SKP2: variants seen among roughly 807,000 people sequenced by gnomAD.
The protein encoded by SKP2 is S-phase kinase associated protein 2, also known as S-phase kinase-associated protein 2.
SKP2 carries 16 observed loss-of-function variants against 51.8 expected under a neutral mutation model. The observed-to-expected ratio is 0.31, with a 90% CI of 0.21 to 0.47. The LOEUF (loss-of-function observed/expected upper bound fraction) is 0.47. Ranked by LOEUF, SKP2 falls within the 20% of genes least tolerant of loss-of-function variation. The probability of loss-of-function intolerance (pLI) is 1.00; values close to 1 mark genes in which losing one functional copy is unlikely to be tolerated. For synonymous variants in SKP2, 176 were observed against 198.6 expected, an observed-to-expected ratio of 0.89 and a Z score of 0.96; for missense variants, 377 against 505.3, an observed-to-expected ratio of 0.75 and a Z score of 2.43.
chr5:36,174,468 A>ATGAT (rs1745568623), intron 7 of SKP2, among the ~76,000 whole-genome samples: 2 of 152,212 alleles, frequency 1.3e-5, no homozygotes, highest in Admixed American at 6.5e-5. Flanking sequence ...GGCTGGCTAG[A>ATGAT]TGATTGGTCC....
At chr5:36,161,118 C>G (rs183228472) in intron 2 of SKP2, among the ~76,000 whole-genome samples, 2 of 151,976 alleles carry the variant, frequency 1.3e-5, no homozygotes, top group Non-Finnish European at 2.9e-5. Context: ...ATTGAAGTTT[C>G]CTGTTTGTCT....
intron 9 of SKP2, among the ~76,000 whole-genome samples, chr5:36,179,750 C>T (rs998070415): frequency 6.6e-6 from 1 of 152,192 alleles, no homozygotes; most frequent in Admixed American, 6.5e-5. Flanking sequence ...ATACATAAGA[C>T]ATTGGTGTGA....
At chr5:36,167,934 C>A (rs932486827) in intron 4 of SKP2, among the ~76,000 whole-genome samples, 2 of 151,728 alleles carry the variant, frequency 1.3e-5, no homozygotes, top group Non-Finnish European at 2.9e-5. Flanking sequence ...CCCTTTAAAA[C>A]TTTCTCTTCC....
At chr5:36,181,177 A>G (rs886266672) in intron 9 of SKP2, among the ~76,000 whole-genome samples, 1 of 152,202 alleles carries the variant, frequency 6.6e-6, no homozygotes, top group Admixed American at 6.5e-5. Context: ...GGGAGGTAAG[A>G]TGGCTATTAC....
chr5:36,155,172 A>G (rs1407726462), intron 2 of SKP2: 1 of 152,114 alleles, frequency 6.6e-6, no homozygotes, highest in African/African-American at 2.4e-5. Flanking sequence ...GAAGATTAGC[A>G]TGGCCCCTGC....
chr5:36,182,601 A>G lies in SKP2; in HGVS notation c.*570A>G, dbSNP rs1160871249. On this transcript the variant is annotated 3_prime_UTR_variant, in exon 10 of 10. Coordinates refer to ENST00000274255, the MANE Select transcript of SKP2 (RefSeq NM_005983.4). ...GAAATTAGGTTAATAGAAATAAGTA[A>G]CCCCATGTAATTCACCTTAAAACTT... The G allele has an allele frequency of 1.0e-6, 1 of 982,336 alleles. No homozygotes were observed. The highest frequency in any genetic ancestry group is 1.2e-6 in the Non-Finnish European group (1 of 827,242). 60.9% of individuals were successfully genotyped at this position (982,336 alleles called of 1,614,324 possible).
At chr5:36,189,305 T>G (rs1033174525), downstream of SKP2, among the ~76,000 whole-genome samples, 1 of 152,158 alleles carries the variant, frequency 6.6e-6, no homozygotes, top group African/African-American at 2.4e-5. Context: ...GTGCTCTGAT[T>G]TTTAGAATTT....
chr5:36,167,318 T>C (rs148418315), intron 4 of SKP2, among the ~76,000 whole-genome samples: 1 of 152,280 alleles, frequency 6.6e-6, no homozygotes, highest in East Asian at 1.9e-4. Flanking sequence ...GGACCGCCTC[T>C]CCCACTGCTT....
chr5:36,182,580 T>C lies in SKP2; in HGVS notation c.*549T>C. 1 of 983,716 alleles carries C rather than the reference T, an allele frequency of 1.0e-6. No homozygotes were observed. Among genetic ancestry groups the C allele is most frequent in the Non-Finnish European group, 1.2e-6 (1 of 828,342 alleles). 60.9% of individuals were successfully genotyped at this position (983,716 alleles called of 1,614,324 possible). A position where few individuals can be genotyped will look rare whatever the true frequency, so the allele number is the denominator to read the frequency against. On this transcript the variant is annotated 3_prime_UTR_variant, in exon 10 of 10. Transcript: ENST00000274255. ...TTGAATTTTGCCTTTAGATTTGAAA[T>C]TAGGTTAATAGAAATAAGTAACCCC...
At chr5:36,181,737 T>C in intron 9 of SKP2, 81 bp from the exon 10 acceptor site, 1 of 1,467,314 alleles carries the variant, frequency 6.8e-7, no homozygotes, top group Non-Finnish European at 9.3e-7. Flanking sequence ...TGACACAAAT[T>C]GTAAAATTTG....
intron 7 of SKP2, among the ~76,000 whole-genome samples, chr5:36,173,608 G>A (rs545763506): frequency 3.4e-4 from 51 of 152,230 alleles, no homozygotes; most frequent in African/African-American, 1.2e-3. Flanking sequence ...TGTTGGTTTT[G>A]TCCAAATTTG....
chr5:36,180,034 C>G (rs1745754359), intron 9 of SKP2: 1 of 151,618 alleles, frequency 6.6e-6, no homozygotes, highest in Admixed American at 6.6e-5. Flanking sequence ...CGGGTGTGTT[C>G]TGAGAGTCTG....
At chr5:36,188,384 T>C (rs994457629), downstream of SKP2, among the ~76,000 whole-genome samples, 2 of 152,250 alleles carry the variant, frequency 1.3e-5, no homozygotes, top group South Asian at 2.1e-4. Context: ...TTCCTTTCCA[T>C]GTTTAGTGCT....
At chr5:36,192,571 T>TA (rs1364064633) in intron 6 of SKP2, 3 of 152,132 alleles carry the variant, frequency 2.0e-5, no homozygotes, top group African/African-American at 7.2e-5. Context: ...TTCTGCTTAT[T>TA]AAAAAGTGAA....
intron 4 of SKP2, among the ~76,000 whole-genome samples, chr5:36,167,524 A>C (rs1190822692): frequency 6.6e-6 from 1 of 152,132 alleles, no homozygotes; most frequent in African/African-American, 2.4e-5. Context: ...CCTCCCTTTC[A>C]AATTCCCAAA....
downstream of SKP2, among the ~76,000 whole-genome samples, chr5:36,185,353 G>A (rs893674719): frequency 6.6e-6 from 1 of 152,166 alleles, no homozygotes; most frequent in Non-Finnish European, 1.5e-5. Flanking sequence ...GTCCTGAATG[G>A]TATTGCCTAG....
intron 6 of SKP2, among the ~76,000 whole-genome samples, chr5:36,190,214 T>G (rs1174343169): frequency 3.3e-4 from 1 of 3,040 alleles, no homozygotes; most frequent in Admixed American, 1.9e-3. Context: ...CTCGGTGTGC[T>G]GCACCCACTG....
chr5:36,152,996 CTTTGTGAT>C lies in SKP2; in HGVS notation c.236_243del (p.Phe79CysfsTer5). The C allele has an allele frequency of 6.2e-7, 1 of 1,614,124 alleles. No individual in the cohort carries two copies. The highest frequency in any genetic ancestry group is 1.1e-5 in the South Asian group (1 of 91,072). On this transcript the variant is annotated frameshift_variant, in exon 2 of 10. Transcript: ENST00000274255. LOFTEE classifies it high-confidence loss of function. Reference sequence around the variant, plus strand: ...TGAAGAGCAAAGGGAGTGACAAAGACTTTGTGATTGTCCGCAGGCCTAAGCTAAATCGA... The same window carrying C: ...TGAAGAGCAAAGGGAGTGACAAAGACTGTCCGCAGGCCTAAGCTAAATCGA...
At chr5:36,159,138 C>G (rs541370134) in intron 2 of SKP2, among the ~76,000 whole-genome samples, 1 of 152,256 alleles carries the variant, frequency 6.6e-6, no homozygotes, top group South Asian at 2.1e-4. Flanking sequence ...GGGAATGCTT[C>G]TTTGAGCAGG....
Sources: gnomAD v4.1 joint callset for allele counts (sites outside exome capture counted in the v4.1 genomes callset) on GRCh38, gnomAD v4.1.1 for gene constraint, MANE v1.5 for transcripts, NCBI Gene and HGNC (gene_info 2026-07-23, HGNC 2026-07-21) for gene names.